The following CA8 variants were observed in gnomAD, a reference collection of about 807,000 sequenced individuals.
The protein encoded by CA8 is carbonic anhydrase 8 (inactive).
A neutral mutation model predicts 41.4 loss-of-function variants in CA8; 22 were observed. The ratio of observed to expected loss-of-function variants is 0.53; its 90% CI spans 0.38 to 0.76. The LOEUF (loss-of-function observed/expected upper bound fraction) is 0.76. Ranked by LOEUF, CA8 falls within the 30% of genes least tolerant of loss-of-function variation. The pLI, the probability that CA8 is intolerant of heterozygous loss-of-function variation, is 0.00. For synonymous variants in CA8, 121 were observed against 130.6 expected, an observed-to-expected ratio of 0.93 and a Z score of 0.50; for missense variants, 270 against 352.8, an observed-to-expected ratio of 0.77 and a Z score of 1.88.
At chr8:60,233,491 G>C (rs1002501951) in intron 3 of CA8, among the ~76,000 whole-genome samples, 1 of 152,300 alleles carries the variant, frequency 6.6e-6, no homozygotes, top group South Asian at 2.1e-4. Context: ...CACTCAGCCA[G>C]GTCAGGCTGT....
intron 2 of CA8, among the ~76,000 whole-genome samples, chr8:60,279,278 G>A (rs1464040925): frequency 1.3e-5 from 2 of 152,170 alleles, no homozygotes; most frequent in Admixed American, 6.5e-5. Flanking sequence ...TGAATGCCAC[G>A]TTATGTCAAT....
intron 3 of CA8, among the ~76,000 whole-genome samples, chr8:60,243,845 G>C (rs1015866294): frequency 7.2e-5 from 11 of 151,974 alleles, no homozygotes; most frequent in Non-Finnish European, 1.5e-4. Context: ...CCCCTCACAG[G>C]GTTCCGCCCT....
intron 4 of CA8, 91 bp downstream of exon 4, chr8:60,232,193 T>C (rs1807670807): frequency 2.2e-6 from 2 of 920,530 alleles, no homozygotes; most frequent in Non-Finnish European, 3.6e-6. Context: ...ATTTCATCTC[T>C]AAGCAATAAA....
rs373491644 is a variant in CA8, at chr8:60,224,519, A to C, written c.625+18T>G. On this transcript the variant is annotated intron_variant, in intron 6 of 8. Coordinates refer to ENST00000317995, the MANE Select transcript of CA8 (RefSeq NM_004056.6). ...GCCACAGTTAAAATTCATTTTATGC[A>C]ATCAGGTAAATACTCACCTGGTAAT... 1.2e-5 allele frequency: 17 copies of C among 1,462,102 alleles called. No homozygotes were observed. The highest frequency in any genetic ancestry group is 5.6e-5 in the African/African-American group (4 of 71,984). The allele number at this position is 1,462,102 out of a possible 1,614,324, so 90.6% of individuals were successfully genotyped here.
At chr8:60,212,028 T>C (rs909779649) in intron 7 of CA8, among the ~76,000 whole-genome samples, 3 of 152,220 alleles carry the variant, frequency 2.0e-5, no homozygotes, top group Non-Finnish European at 2.9e-5. Flanking sequence ...CACTTAAACA[T>C]AGTATGTGTT....
At chr8:60,219,877 A>C (rs1807175330) in intron 7 of CA8, among the ~76,000 whole-genome samples, 1 of 149,018 alleles carries the variant, frequency 6.7e-6, no homozygotes, top group South Asian at 2.2e-4. Context: ...TTGTATTCAC[A>C]GATTATTTTC....
chr8:60,267,843 A>G (rs1267871314), intron 2 of CA8, among the ~76,000 whole-genome samples: 1 of 152,232 alleles, frequency 6.6e-6, no homozygotes, highest in East Asian at 1.9e-4. Flanking sequence ...TAATATATGG[A>G]TCAGAAAGGT....
chr8:60,236,220 C>T (rs1172254746), intron 3 of CA8, among the ~76,000 whole-genome samples: 3 of 152,182 alleles, frequency 2.0e-5, no homozygotes, highest in African/African-American at 7.2e-5. Flanking sequence ...ACTGAGGTCC[C>T]CCAAGGGAGA....
chr8:60,270,823 CT>C (rs1412669453), intron 2 of CA8, among the ~76,000 whole-genome samples: 1 of 152,124 alleles, frequency 6.6e-6, no homozygotes, highest in Non-Finnish European at 1.5e-5. Context: ...TCATTTAGTT[CT>C]TTTTTTAACA....
At chr8:60,264,158 C>T (rs1467094074) in intron 3 of CA8, among the ~76,000 whole-genome samples, 3 of 152,178 alleles carry the variant, frequency 2.0e-5, no homozygotes, top group Admixed American at 1.3e-4. Context: ...ACATTCGGTC[C>T]GGAAATGCTA....
At chr8:60,225,206 T>A (rs973808697) in intron 5 of CA8, among the ~76,000 whole-genome samples, 1 of 152,176 alleles carries the variant, frequency 6.6e-6, no homozygotes, top group African/African-American at 2.4e-5. Flanking sequence ...ACATTTAAGA[T>A]CATCATTTTA....
chr8:60,258,832 A>C (rs1427613137), intron 3 of CA8, among the ~76,000 whole-genome samples: 1 of 152,168 alleles, frequency 6.6e-6, no homozygotes, highest in Non-Finnish European at 1.5e-5. Context: ...CGCTGATCCA[A>C]CAGGAGGCGG....
In CA8 at chr8:60,222,806, A is replaced by G. The variant is rs375062841; in HGVS notation, c.626-45T>C. ...TGTAATGGAAAAGGCAAGTGAATTAATAACAATCCTGATGACTCCAACAAC... is the reference window on the plus strand; with the variant it reads ...TGTAATGGAAAAGGCAAGTGAATTAGTAACAATCCTGATGACTCCAACAAC... On this transcript the variant is annotated intron_variant, in intron 6 of 8. Transcript: ENST00000317995. The G allele has an allele frequency of 8.8e-5, 103 of 1,171,748 alleles. No homozygotes were observed. In the East Asian group the frequency reaches 1.1e-3, roughly 13 times the overall value. The allele number at this position is 1,171,748 out of a possible 1,614,324, so 72.6% of individuals were successfully genotyped here.
At chr8:60,233,474 C>T (rs1255669836) in intron 3 of CA8, among the ~76,000 whole-genome samples, 1 of 152,172 alleles carries the variant, frequency 6.6e-6, no homozygotes, top group Non-Finnish European at 1.5e-5. Context: ...ACACTGTACC[C>T]ATGGCCCACT....
At chr8:60,257,774 T>A (rs1428767532) in intron 3 of CA8, among the ~76,000 whole-genome samples, 3 of 152,234 alleles carry the variant, frequency 2.0e-5, no homozygotes, top group Admixed American at 2.0e-4. Context: ...CACATAGTAG[T>A]TGATAAATAT....
intron 7 of CA8, among the ~76,000 whole-genome samples, chr8:60,219,940 A>AC (rs938393001): frequency 6.8e-5 from 9 of 131,680 alleles, no homozygotes; most frequent in African/African-American, 1.8e-4. Flanking sequence ...AAAAAAAAAA[A>AC]AAAAAAAAAA....
intron 3 of CA8, among the ~76,000 whole-genome samples, chr8:60,252,512 T>C (rs556868410): frequency 2.6e-5 from 4 of 152,360 alleles, no homozygotes; most frequent in South Asian, 4.1e-4. Flanking sequence ...TTCACTCTTC[T>C]GTTGTGGGGA....
intron 8 of CA8, among the ~76,000 whole-genome samples, chr8:60,197,600 A>G (rs1585840648): frequency 6.6e-6 from 1 of 152,080 alleles, no homozygotes; most frequent in African/African-American, 2.4e-5. Flanking sequence ...TCTGAATGAA[A>G]CCTGAGCCAT....
chr8:60,267,268 G>T (rs1386939030), intron 2 of CA8, among the ~76,000 whole-genome samples: 1 of 152,224 alleles, frequency 6.6e-6, no homozygotes, highest in African/African-American at 2.4e-5. Context: ...GCAGAAAATA[G>T]ATGGAGAAAT....
Sources: gnomAD v4.1 joint callset for allele counts (sites outside exome capture counted in the v4.1 genomes callset) on GRCh38, gnomAD v4.1.1 for gene constraint, MANE v1.5 for transcripts, NCBI Gene and HGNC (gene_info 2026-07-23, HGNC 2026-07-21) for gene names.